The following RBMS1 variants were observed in gnomAD, a reference collection of about 807,000 sequenced individuals.
RBMS1 encodes the protein RNA binding motif single stranded interacting protein 1.
A neutral mutation model predicts 62.3 loss-of-function variants in RBMS1; 17 were observed. That is an observed-to-expected ratio of 0.27 (90% CI 0.19 to 0.41). RBMS1 has a LOEUF of 0.41. RBMS1 is among the 10% of genes least tolerant of loss of function. The pLI is 1.00. For missense variants in RBMS1, 334 were observed against 504.5 expected, an observed-to-expected ratio of 0.66 and a Z score of 3.24; for synonymous variants, 172 against 170.0, an observed-to-expected ratio of 1.01 and a Z score of -0.09.
intron 2 of RBMS1, among the ~76,000 whole-genome samples, chr2:160,320,082 C>T (rs1272845978): frequency 6.6e-6 from 1 of 152,174 alleles, no homozygotes; most frequent in African/African-American, 2.4e-5. Context: ...TAAAGACAAC[C>T]TTTCAGCAAC....
chr2:160,380,153 GAC>G (rs1694205193), intron 1 of RBMS1, among the ~76,000 whole-genome samples: 1 of 152,112 alleles, frequency 6.6e-6, no homozygotes, highest in African/African-American at 2.4e-5. Context: ...ATAAGAAAAT[GAC>G]ACCATCTCTC....
intron 6 of RBMS1, among the ~76,000 whole-genome samples, chr2:160,291,091 C>T (rs986259363): frequency 3.9e-5 from 6 of 152,220 alleles, no homozygotes; most frequent in Non-Finnish European, 8.8e-5. Flanking sequence ...ATGAGATCTG[C>T]AAGTCCTCCT....
intron 2 of RBMS1, among the ~76,000 whole-genome samples, chr2:160,338,811 GC>G (rs1447959967): frequency 1.3e-5 from 2 of 152,218 alleles, no homozygotes; most frequent in Non-Finnish European, 2.9e-5. Context: ...GCACAGAGGA[GC>G]CTCTGATAAT....
intron 12 of RBMS1, 47 bp downstream of exon 12, chr2:160,277,256 C>T (rs1249312819): frequency 2.1e-6 from 3 of 1,462,802 alleles, no homozygotes; most frequent in Admixed American, 1.8e-5. Context: ...TTACCCATTT[C>T]TGAAACTACT....
At chr2:160,304,969 C>CTT (rs1216758182) in intron 4 of RBMS1, among the ~76,000 whole-genome samples, 1 of 152,146 alleles carries the variant, frequency 6.6e-6, no homozygotes, top group Non-Finnish European at 1.5e-5. Flanking sequence ...ATTCTCCTGC[C>CTT]TCAGCCTCCT....
intron 1 of RBMS1, among the ~76,000 whole-genome samples, chr2:160,456,019 G>C (rs1184714028): frequency 6.6e-6 from 1 of 152,084 alleles, no homozygotes; most frequent in Non-Finnish European, 1.5e-5. Flanking sequence ...ATTTATCCAT[G>C]ATAAAAGCAA....
chr2:160,375,613 C>CTA (rs934772941), intron 1 of RBMS1, among the ~76,000 whole-genome samples: 1 of 152,088 alleles, frequency 6.6e-6, no homozygotes, highest in African/African-American at 2.4e-5. Flanking sequence ...TCAATCTCTT[C>CTA]TATATAAAAG....
chr2:160,298,835 C>T (rs965014623), intron 6 of RBMS1, among the ~76,000 whole-genome samples: 1 of 152,108 alleles, frequency 6.6e-6, no homozygotes, highest in Non-Finnish European at 1.5e-5. Context: ...TCCAATATGG[C>T]TGCGGTCTTC....
chr2:160,330,299 G>A (rs1275808182), intron 2 of RBMS1, among the ~76,000 whole-genome samples: 1 of 152,208 alleles, frequency 6.6e-6, no homozygotes, highest in Non-Finnish European at 1.5e-5. Flanking sequence ...TGGTGAACAC[G>A]AAGGGAGGCA....
At chr2:160,331,548 T>C (rs758665282) in intron 2 of RBMS1, among the ~76,000 whole-genome samples, 10 of 152,182 alleles carry the variant, frequency 6.6e-5, no homozygotes, top group South Asian at 2.1e-4. Context: ...GGCCTCAGCA[T>C]AGTGCCTGAA....
At chr2:160,291,883 C>T (rs1319574201) in intron 6 of RBMS1, among the ~76,000 whole-genome samples, 1 of 152,132 alleles carries the variant, frequency 6.6e-6, no homozygotes, top group Non-Finnish European at 1.5e-5. Context: ...AACTCCATAC[C>T]TCCCATGACT....
chr2:160,356,019 C>T (rs1692779200), intron 2 of RBMS1, among the ~76,000 whole-genome samples: 1 of 152,104 alleles, frequency 6.6e-6, no homozygotes, highest in East Asian at 1.9e-4. Flanking sequence ...ATACTTACAG[C>T]AAAACTATAA....
At chr2:160,421,020 T>G (rs1696401894) in intron 1 of RBMS1, among the ~76,000 whole-genome samples, 1 of 152,122 alleles carries the variant, frequency 6.6e-6, no homozygotes, top group Non-Finnish European at 1.5e-5. Context: ...ATGGCACAAC[T>G]TCTGTTGAAA....
rs560012256 is a variant in RBMS1, at chr2:160,352,656, G to A, written c.251+14560C>T. ...TGTAACTCTGCGTTGGTATTCTTTT[G>A]GAAATTCAAGTCTGCACATGTCCGT... is the stretch of plus-strand genomic sequence containing the variant. On this transcript the variant is annotated intron_variant, in intron 2 of 13. Transcript: ENST00000348849. Among the ~76,000 whole-genome samples the A allele has an allele frequency of 1.8e-4, 27 of 152,180 alleles. 1 individual carries two copies. The South Asian group carries it at 5.6e-3, about 32-fold the overall frequency.
intron 1 of RBMS1, among the ~76,000 whole-genome samples, chr2:160,485,896 T>C (rs1685582212): frequency 6.6e-6 from 1 of 152,174 alleles, no homozygotes; most frequent in Admixed American, 6.5e-5. Context: ...AGCTAGTGAC[T>C]TGAAAATACA....
chr2:160,292,697 G>A (rs1224519643), intron 6 of RBMS1, among the ~76,000 whole-genome samples: 1 of 152,152 alleles, frequency 6.6e-6, no homozygotes, highest in African/African-American at 2.4e-5. Context: ...ACTCCTCACT[G>A]GCAGAACCTG....
chr2:160,483,079 TA>T (rs367600184), intron 1 of RBMS1, among the ~76,000 whole-genome samples: 31,158 of 140,826 alleles, frequency 0.22, 3,412 homozygotes, highest in African/African-American at 0.3. Flanking sequence ...TAATCTCTCT[TA>T]AAAAAAAAAA....
chr2:160,461,701 T>C (rs1684472338), intron 1 of RBMS1, among the ~76,000 whole-genome samples: 1 of 152,238 alleles, frequency 6.6e-6, no homozygotes, highest in African/African-American at 2.4e-5. Flanking sequence ...CGTTATAACC[T>C]CCACTTTCAC....
intron 1 of RBMS1, among the ~76,000 whole-genome samples, chr2:160,388,110 A>C (rs1694679009): frequency 6.6e-6 from 1 of 152,264 alleles, no homozygotes; most frequent in South Asian, 2.1e-4. Context: ...CTTTGGACTC[A>C]ATTTTAACTC....
Sources: gnomAD v4.1 joint callset for allele counts (sites outside exome capture counted in the v4.1 genomes callset) on GRCh38, gnomAD v4.1.1 for gene constraint, MANE v1.5 for transcripts, NCBI Gene and HGNC (gene_info 2026-07-23, HGNC 2026-07-21) for gene names.